UTRN: variants seen among roughly 807,000 people sequenced by gnomAD.
The protein encoded by UTRN is utrophin, also known as dystrophin-related protein 1.
Under a neutral mutation model 463.9 loss-of-function variants are expected in UTRN, and 283 were observed. That is an observed-to-expected ratio of 0.61 (90% CI 0.55 to 0.67). The LOEUF (loss-of-function observed/expected upper bound fraction) is 0.67. Among genes scored for constraint, UTRN ranks in the 30% least tolerant of loss-of-function variants. The pLI is 0.00. For missense variants in UTRN, 3,922 were observed against 4,084.3 expected, an observed-to-expected ratio of 0.96 and a Z score of 1.08; for synonymous variants, 1,442 against 1,431.5, an observed-to-expected ratio of 1.01 and a Z score of -0.17.
chr6:144,765,505 C>A (rs918349573), intron 58 of UTRN, among the ~76,000 whole-genome samples: 2 of 152,186 alleles, frequency 1.3e-5, no homozygotes, highest in Non-Finnish European at 2.9e-5. Flanking sequence ...TCTTATACTC[C>A]TGGCCTCAAG....
rs765449951 is a variant in UTRN at position 144,453,786 on chromosome 6, T to C, written c.2201T>C (p.Leu734Ser). Reference sequence around the variant, plus strand: ...ATGTTGGGACTTCATTTGCAGGCATTAGAAAAAGAACAGAGAGAAAGAATC... The same window carrying C: ...ATGTTGGGACTTCATTTGCAGGCATCAGAAAAAGAACAGAGAGAAAGAATC... ...TSEMKKKLKA[L>S]EKEQRERIPR... Residue 734 changes from leucine (L) to serine (S), a missense_variant, in exon 19 of 75, where the codon TTA becomes TCA. Coordinates refer to ENST00000367545, the MANE Select transcript of UTRN (RefSeq NM_007124.3). 16 of 1,612,424 alleles carry C rather than the reference T, an allele frequency of 9.9e-6. 1 individual carries two copies. In the South Asian group the frequency reaches 1.8e-4, roughly 18 times the overall value.
chr6:144,453,846 T>G lies in UTRN; in HGVS notation c.2261T>G (p.Ile754Ser), dbSNP rs751661481. ...GATGAATTAAACCAAACTGGACAAA[T>G]CCTTGTGGAGCAAATGGGAAAAGGT... Reference protein sequence around the residue: ...RADELNQTGQILVEQMGKEGL... With the variant: ...RADELNQTGQSLVEQMGKEGL... Residue 754 changes from isoleucine to serine, a missense_variant, in exon 19 of 75, where the codon ATC (isoleucine) becomes AGC (serine). Physicochemically the swap from Ile to Ser is moderately radical, Grantham distance 142. Around this residue, in one of 3 missense-constraint regions of UTRN, gnomAD observed 2,349 missense variants for 2,303.8 expected, o/e 1.02. Coordinates refer to ENST00000367545, the MANE Select transcript of UTRN (RefSeq NM_007124.3). 4.3e-6 allele frequency: 7 copies of G among 1,613,390 alleles called. No homozygotes were observed. Among genetic ancestry groups the G allele is most frequent in the Non-Finnish European group, 5.9e-6 (7 of 1,179,678 alleles).
At chr6:144,818,893 T>G (rs1193761553) in intron 65 of UTRN, among the ~76,000 whole-genome samples, 2 of 144,994 alleles carry the variant, frequency 1.4e-5, no homozygotes, top group South Asian at 2.1e-4. Flanking sequence ...CAATCTGTTG[T>G]TTTTTTTTTT....
At position 144,447,769 on chromosome 6, in the gene UTRN, T is replaced by G. The variant is rs923705673; in HGVS notation, c.1890T>G (p.Asp630Glu). ...RWDSLVQRLE[D>E]SSNQVTQAVA... Reference sequence around the variant, plus strand: ...ATTCTTTGGTTCAGAGACTAGAAGATTCCTCCAACCAGGTACTTTTTGATT... The same window carrying G: ...ATTCTTTGGTTCAGAGACTAGAAGAGTCCTCCAACCAGGTACTTTTTGATT... The change falls in exon 16 of 75, where the codon GAT (aspartate) becomes GAG (glutamate). Residue 630 changes from aspartate to glutamate, a missense_variant. Coordinates refer to ENST00000367545, the MANE Select transcript of UTRN (RefSeq NM_007124.3). The G allele has an allele frequency of 3.1e-6, 5 of 1,611,270 alleles. No individual in the cohort carries two copies. The Admixed American group carries it at 6.7e-5, about 22-fold the overall frequency.
intron 19 of UTRN, among the ~76,000 whole-genome samples, chr6:144,455,562 T>C (rs1788734171): frequency 6.6e-6 from 1 of 152,216 alleles, no homozygotes; most frequent in Non-Finnish European, 1.5e-5. Context: ...CTCCCATTTC[T>C]GTCAGGTTTT....
chr6:144,599,986 T>C (rs950805882), intron 51 of UTRN, among the ~76,000 whole-genome samples: 7 of 152,194 alleles, frequency 4.6e-5, no homozygotes, highest in Non-Finnish European at 1.0e-4. Context: ...TCATTATTAT[T>C]ATATATTATT....
chr6:144,830,419 G>A (rs2128757606), intron 69 of UTRN, among the ~76,000 whole-genome samples: 1 of 152,162 alleles, frequency 6.6e-6, no homozygotes, highest in South Asian at 2.1e-4. Context: ...ACATTTTCAG[G>A]ATGTTTGTAA....
intron 2 of UTRN, among the ~76,000 whole-genome samples, chr6:144,303,480 T>C (rs1805473164): frequency 6.6e-6 from 1 of 152,250 alleles, no homozygotes; most frequent in Non-Finnish European, 1.5e-5. Flanking sequence ...TTCTCTAGAA[T>C]TTTCTTGATC....
intron 2 of UTRN, chr6:144,331,000 G>C (rs1776295561): frequency 2.0e-6 from 2 of 985,208 alleles, no homozygotes; most frequent in Admixed American, 6.1e-5. Context: ...AAACGGAGAC[G>C]GCAGACAGTC....
At chr6:144,481,548 A>G (rs761037343) in intron 26 of UTRN, among the ~76,000 whole-genome samples, 2 of 152,256 alleles carry the variant, frequency 1.3e-5, no homozygotes, top group Non-Finnish European at 2.9e-5. Context: ...GTGAAAATAT[A>G]TTTATCACAG....
rs147387465 is a variant in UTRN, at chr6:144,353,952, G to C, written c.80-49171G>C. 9.0e-3 allele frequency among the ~76,000 whole-genome samples: 1,364 copies of C among 152,262 alleles called. 65 individuals carry two copies. Among genetic ancestry groups the C allele is most frequent in the Admixed American group, 0.082 (1,258 of 15,294 alleles). ...GCAACTGTGGTTTGCTGGGTGCTGC[G>C]GTCGTTGTTGTGAAGGTGCTGGGAT... On this transcript the variant is annotated intron_variant, in intron 2 of 74. Transcript: ENST00000367545.
intron 51 of UTRN, among the ~76,000 whole-genome samples, chr6:144,654,281 G>A (rs1350543902): frequency 6.6e-6 from 1 of 152,200 alleles, no homozygotes; most frequent in Non-Finnish European, 1.5e-5. Context: ...GCTCCACAAT[G>A]AATGGATTAG....
At chr6:144,365,415 G>A (rs1041429779) in intron 2 of UTRN, among the ~76,000 whole-genome samples, 12 of 152,202 alleles carry the variant, frequency 7.9e-5, no homozygotes, top group Non-Finnish European at 1.8e-4. Flanking sequence ...AGATCATGAG[G>A]AGGAGATGGT....
intron 58 of UTRN, among the ~76,000 whole-genome samples, chr6:144,762,049 A>G (rs1792753467): frequency 6.6e-6 from 1 of 152,212 alleles, no homozygotes; most frequent in African/African-American, 2.4e-5. Context: ...AATCTTGTGC[A>G]TAGATGATCT....
chr6:144,658,637 A>C (rs1298170444), intron 51 of UTRN, among the ~76,000 whole-genome samples: 2 of 152,230 alleles, frequency 1.3e-5, no homozygotes, highest in Non-Finnish European at 2.9e-5. Context: ...TCACCATTAT[A>C]AGCACTGCAT....
intron 11 of UTRN, 90 bp downstream of exon 11, chr6:144,437,836 G>A: frequency 1.5e-6 from 2 of 1,322,264 alleles, no homozygotes. Flanking sequence ...GTGAAAGCGA[G>A]ATGATTACAG....
chr6:144,437,581 T>C lies in UTRN; in HGVS notation c.1076T>C (p.Leu359Pro). ...FATHEAFMME[L>P]TAHQSSVGSV... ...CCTTTCTAGGCTTTTATGATGGAAC[T>C]GACTGCACACCAGAGCAGTGTGGGC... is the stretch of plus-strand genomic sequence containing the variant. Residue 359 changes from leucine (L) to proline (P), a missense_variant, in exon 11 of 75, where the codon CTG becomes CCG. Transcript: ENST00000367545. 3 of 1,610,440 alleles carry C rather than the reference T, an allele frequency of 1.9e-6. No individual in the cohort carries two copies. The highest frequency in any genetic ancestry group is 2.5e-6 in the Non-Finnish European group (3 of 1,178,806).
In UTRN at chr6:144,499,390, T is replaced by G. The variant is rs1172631282; in HGVS notation, c.4727T>G (p.Leu1576Arg). 6.2e-7 allele frequency: 1 copy of G among 1,611,024 alleles called. No homozygotes were observed. The highest frequency in any genetic ancestry group is 1.1e-5 in the South Asian group (1 of 90,686). ...GTACAGAAGTCCACTTCAGAAGGTC[T>G]GCTTGGTGACTTGGATACAGAAATT... The part of the protein sequence containing the change: ...ELVQKSTSEG[L>R]LGDLDTEISW... The change falls in exon 34 of 75, where the codon CTG becomes CGG. Residue 1576 changes from leucine to arginine, a missense_variant. Coordinates refer to ENST00000367545, the MANE Select transcript of UTRN (RefSeq NM_007124.3).
intron 60 of UTRN, among the ~76,000 whole-genome samples, chr6:144,779,906 T>C (rs976459036): frequency 1.3e-5 from 2 of 152,090 alleles, no homozygotes; most frequent in African/African-American, 4.8e-5. Flanking sequence ...AGGAAATGGA[T>C]TGGTTCGTTA....
Sources: allele counts gnomAD v4.1 joint callset (sites outside exome capture counted in the v4.1 genomes callset), GRCh38; gene constraint gnomAD v4.1.1; regional missense constraint gnomAD v4.1.1; transcripts MANE v1.5; gene names NCBI Gene and HGNC (gene_info 2026-07-23, HGNC 2026-07-21).